FBXW4: variants seen among roughly 807,000 people sequenced by gnomAD.
FBXW4 encodes F-box and WD repeat domain containing 4, also known as F-box/WD repeat-containing protein 4.
A neutral mutation model predicts 61.8 loss-of-function variants in FBXW4; 40 were observed. That is an observed-to-expected ratio of 0.65 (90% CI 0.50 to 0.84). The LOEUF (loss-of-function observed/expected upper bound fraction) is 0.84. Ranked by LOEUF, FBXW4 falls within the 40% of genes least tolerant of loss-of-function variation. The pLI, the probability that FBXW4 is intolerant of heterozygous loss-of-function variation, is 0.00. For missense variants in FBXW4, 672 were observed against 753.8 expected (o/e 0.89, Z 1.27); for synonymous variants, 311 against 313.8 (o/e 0.99, Z 0.10).
intron 1 of FBXW4, among the ~76,000 whole-genome samples, chr10:101,692,982 T>A (rs1411149257): frequency 2.0e-5 from 3 of 152,094 alleles, no homozygotes; most frequent in Non-Finnish European, 4.4e-5. Context: ...CCACAAAGAT[T>A]CCAAATTTAT....
chr10:101,612,310 C>G (rs2063793549), intron 7 of FBXW4, 27 bp downstream of exon 7: 5 of 1,511,332 alleles, frequency 3.3e-6, no homozygotes, highest in Non-Finnish European at 4.5e-6. Flanking sequence ...GCCCCCACCA[C>G]CTGTCCTCCC....
At chr10:101,617,510 C>G (rs565614751) in intron 6 of FBXW4, among the ~76,000 whole-genome samples, 4 of 152,306 alleles carry the variant, frequency 2.6e-5, no homozygotes, top group Non-Finnish European at 5.9e-5. Flanking sequence ...GCTTCACTTG[C>G]CTCAGCCCCA....
chr10:101,624,532 A>C (rs980158546), intron 6 of FBXW4, among the ~76,000 whole-genome samples: 1 of 152,244 alleles, frequency 6.6e-6, no homozygotes, highest in African/African-American at 2.4e-5. Flanking sequence ...TAAATTCTAC[A>C]TGAAACTATT....
At chr10:101,632,681 T>C (rs1220314486) in intron 5 of FBXW4, among the ~76,000 whole-genome samples, 3 of 152,182 alleles carry the variant, frequency 2.0e-5, no homozygotes, top group African/African-American at 7.2e-5. Context: ...TAATAAGGTG[T>C]TGGGAGCTGC....
chr10:101,664,646 G>A (rs902165259), intron 5 of FBXW4, among the ~76,000 whole-genome samples: 10 of 152,178 alleles, frequency 6.6e-5, no homozygotes, highest in Non-Finnish European at 1.3e-4. Flanking sequence ...GAAACTTCCT[G>A]GGGCCAGAAG....
intron 5 of FBXW4, among the ~76,000 whole-genome samples, chr10:101,642,537 A>T (rs1332009216): frequency 2.0e-5 from 3 of 151,972 alleles, no homozygotes; most frequent in Non-Finnish European, 4.4e-5. Context: ...CCCCTCTGGG[A>T]CTTCCAAATT....
intron 1 of FBXW4, among the ~76,000 whole-genome samples, chr10:101,690,547 T>C (rs1327865117): frequency 6.6e-6 from 1 of 152,180 alleles, no homozygotes. Flanking sequence ...AAATTATTTG[T>C]TTGTGGTTTT....
At chr10:101,673,385 C>T in intron 3 of FBXW4, 103 bp downstream of exon 3, 1 of 1,312,534 alleles carries the variant, frequency 7.6e-7, no homozygotes, top group Non-Finnish European at 1.1e-6. Flanking sequence ...TTCTGGTCTC[C>T]CTCCTCATCC....
At chr10:101,638,671 C>T (rs763172317) in intron 5 of FBXW4, among the ~76,000 whole-genome samples, 1 of 152,112 alleles carries the variant, frequency 6.6e-6, no homozygotes, top group African/African-American at 2.4e-5. Flanking sequence ...AATCAAAATA[C>T]TCATTTTGAA....
At chr10:101,671,040 A>C (rs1195072047) in intron 4 of FBXW4, among the ~76,000 whole-genome samples, 2 of 152,256 alleles carry the variant, frequency 1.3e-5, no homozygotes, top group East Asian at 3.8e-4. Flanking sequence ...ATTCTTATGA[A>C]GGTTCAGGTG....
At position 101,611,605 on chromosome 10, in the gene FBXW4, G is replaced by T. The variant is rs2063785354; in HGVS notation, c.1584+23C>A. The stretch of plus-strand genomic sequence containing the variant: ...TAATCATGAGTCCTGGCATGCTGGA[G>T]AAGAGGTGGGCAGGACACTTACGTG... On this transcript the variant is annotated intron_variant, in intron 8 of 8. Coordinates refer to ENST00000331272, the MANE Select transcript of FBXW4 (RefSeq NM_022039.4). The surrounding 1 kb of genome is among the most constrained non-coding windows in gnomAD (Gnocchi z 4.9). 6.2e-7 allele frequency: 1 copy of T among 1,612,650 alleles called. No individual in the cohort carries two copies. Among genetic ancestry groups the T allele is most frequent in the African/African-American group, 1.3e-5 (1 of 74,910 alleles).
At chr10:101,682,872 GA>G (rs916923290) in intron 1 of FBXW4, among the ~76,000 whole-genome samples, 35 of 150,522 alleles carry the variant, frequency 2.3e-4, no homozygotes, top group African/African-American at 8.0e-4. Context: ...GCTTTGACTT[GA>G]AAAAGCTCTA....
chr10:101,679,795 T>C (rs796094706), intron 1 of FBXW4, among the ~76,000 whole-genome samples: 10 of 152,320 alleles, frequency 6.6e-5, no homozygotes, highest in African/African-American at 2.4e-4. Context: ...CATGGATGAA[T>C]TGTACAATGA....
chr10:101,638,488 C>CAAAAAAAAAAAAAA (rs781303866), intron 5 of FBXW4, among the ~76,000 whole-genome samples: 1 of 79,614 alleles, frequency 1.3e-5, no homozygotes. Flanking sequence ...GGATGTCCTG[C>CAAAAAAAAAAAAAA]AAAAAAAAAA....
intron 6 of FBXW4, among the ~76,000 whole-genome samples, chr10:101,619,071 G>A (rs929593609): frequency 3.9e-5 from 6 of 152,170 alleles, no homozygotes; most frequent in African/African-American, 1.4e-4. Context: ...GAGAACACAA[G>A]ATGAGCCTTG....
In FBXW4 at chr10:101,668,066, G is replaced by A. The variant is rs144637047; in HGVS notation, c.1141-86C>T. 25 of 1,043,590 alleles carry A rather than the reference G, an allele frequency of 2.4e-5. 1 individual carries two copies. In the African/African-American group the frequency reaches 3.1e-4, roughly 13 times the overall value. 64.6% of individuals were successfully genotyped at this position (1,043,590 alleles called of 1,614,324 possible). On this transcript the variant is annotated intron_variant, in intron 4 of 8. Coordinates refer to ENST00000331272, the MANE Select transcript of FBXW4 (RefSeq NM_022039.4). ...TGCTCCGGGAGAGGTGACTGTTGGA[G>A]GTGGAGAAATGGGGAATCCTTTATG...
At chr10:101,613,403 G>A (rs1235168242) in intron 6 of FBXW4, among the ~76,000 whole-genome samples, 5 of 152,332 alleles carry the variant, frequency 3.3e-5, no homozygotes, top group South Asian at 2.1e-4. Context: ...GAAAAGGGGC[G>A]CCCTCCAGGC....
chr10:101,625,440 G>A (rs2063900129), intron 5 of FBXW4: 1 of 152,600 alleles, frequency 6.6e-6, no homozygotes, highest in Admixed American at 6.5e-5. Context: ...GGCTTCTGGA[G>A]AGTGGGATGG....
chr10:101,676,336 C>T lies in FBXW4; in HGVS notation c.821+5G>A. The T allele has an allele frequency of 6.2e-7, 1 of 1,612,464 alleles. No individual in the cohort carries two copies. Among genetic ancestry groups the T allele is most frequent in the Non-Finnish European group, 8.5e-7 (1 of 1,179,078 alleles). On this transcript the variant is annotated splice_donor_5th_base_variant and intron_variant, in intron 2 of 8. Transcript: ENST00000331272. ...TAGCTTTTAAAAAGTCAAGAGGCTACTTGCCTGCATCTCCACTTCAGCAGA... is the reference window on the plus strand; with the variant it reads ...TAGCTTTTAAAAAGTCAAGAGGCTATTTGCCTGCATCTCCACTTCAGCAGA...
Sources: gnomAD v4.1 joint callset for allele counts (sites outside exome capture counted in the v4.1 genomes callset) on GRCh38, gnomAD v4.1.1 for gene constraint, Gnocchi (gnomAD v3.1) non-coding constraint, MANE v1.5 for transcripts, NCBI Gene and HGNC (gene_info 2026-07-23, HGNC 2026-07-21) for gene names.